SYCP2: variants seen among roughly 807,000 people sequenced by gnomAD.
The protein encoded by SYCP2 is synaptonemal complex protein 2, also known as synaptonemal complex lateral element protein.
Under a neutral mutation model 211.3 loss-of-function variants are expected in SYCP2, and 55 were observed. The ratio of observed to expected loss-of-function variants is 0.26; its 90% CI spans 0.21 to 0.33. The LOEUF is 0.33. Among genes scored for constraint, SYCP2 ranks in the 10% least tolerant of loss-of-function variants. The probability of loss-of-function intolerance (pLI) is 1.00; values close to 1 mark genes in which losing one functional copy is unlikely to be tolerated. For synonymous variants in SYCP2, 570 were observed against 555.2 expected (o/e 1.03, Z -0.37); for missense variants, 1,731 against 1,752.0 (o/e 0.99, Z 0.21).
intron 15 of SYCP2, among the ~76,000 whole-genome samples, chr20:59,903,997 C>T (rs1026518401): frequency 3.3e-5 from 5 of 152,106 alleles, no homozygotes; most frequent in Middle Eastern, 6.8e-3. Context: ...CTTTTTTTCT[C>T]TAAGGAAATT....
rs562556341 is a variant in SYCP2, at chr20:59,916,759, G to A, written c.428-188C>T. Among the ~76,000 whole-genome samples, 16 of 151,986 alleles carry A rather than the reference G, an allele frequency of 1.1e-4. No individual in the cohort carries two copies. In the South Asian group the frequency reaches 2.9e-3, roughly 28 times the overall value. On this transcript the variant is annotated intron_variant, in intron 7 of 44. Coordinates refer to ENST00000357552, the MANE Select transcript of SYCP2 (RefSeq NM_014258.4). ...GTTTGAGACCAGCCTGGGCAACATGGCAAAATCCTGTCTGTACAAAAATTA... is the reference window on the plus strand; with the variant it reads ...GTTTGAGACCAGCCTGGGCAACATGACAAAATCCTGTCTGTACAAAAATTA...
intron 43 of SYCP2, 47 bp downstream of exon 43, chr20:59,865,526 T>G (rs770564816): frequency 6.4e-7 from 1 of 1,573,856 alleles, no homozygotes; most frequent in South Asian, 1.2e-5. Context: ...TAACAAATTC[T>G]TTTTGTAATC....
Position 59,863,596 on chromosome 20 carries a change from C to A in SYCP2, c.*715G>T, listed in dbSNP as rs921367518. Reference sequence around the variant, plus strand: ...TTTATATTTATTCAAGTGACATAAGCATTTATTTCAACTTCATTAAAAGCA... The same window carrying A: ...TTTATATTTATTCAAGTGACATAAGAATTTATTTCAACTTCATTAAAAGCA... On this transcript the variant is annotated 3_prime_UTR_variant, in exon 45 of 45. Transcript: ENST00000357552. 3 of 151,928 alleles carry A rather than the reference C, an allele frequency of 2.0e-5. No homozygotes were observed. The highest frequency in any genetic ancestry group is 7.2e-5 in the African/African-American group (3 of 41,410). 9.4% of individuals were successfully genotyped at this position (151,928 alleles called of 1,614,324 possible).
intron 34 of SYCP2, among the ~76,000 whole-genome samples, chr20:59,874,324 G>A (rs905468248): frequency 5.3e-5 from 8 of 152,020 alleles, no homozygotes; most frequent in East Asian, 3.8e-4. Flanking sequence ...TCTACAGTAT[G>A]ACCTGAAATA....
chr20:59,931,182 G>T (rs1195748662), intron 2 of SYCP2, among the ~76,000 whole-genome samples: 1 of 152,302 alleles, frequency 6.6e-6, no homozygotes, highest in East Asian at 1.9e-4. Flanking sequence ...CACTGTGGGA[G>T]GCCCAGGCAA....
intron 10 of SYCP2, 56 bp downstream of exon 10, chr20:59,915,109 A>G: frequency 1.9e-6 from 2 of 1,073,674 alleles, no homozygotes; most frequent in East Asian, 2.4e-5. Flanking sequence ...TTAAAAAGAT[A>G]CTATCTGCTA....
chr20:59,890,911 A>T (rs754227657), intron 24 of SYCP2, among the ~76,000 whole-genome samples: 6 of 151,954 alleles, frequency 3.9e-5, no homozygotes, highest in Non-Finnish European at 7.4e-5. Context: ...AGCAGCTAAG[A>T]TGAGAAAGAG....
intron 7 of SYCP2, among the ~76,000 whole-genome samples, chr20:59,917,229 C>A (rs2060460256): frequency 1.3e-5 from 2 of 151,926 alleles, no homozygotes; most frequent in African/African-American, 4.8e-5. Context: ...AGTTATACAT[C>A]AAAAATTTTT....
intron 4 of SYCP2, among the ~76,000 whole-genome samples, chr20:59,921,001 A>T (rs905277585): frequency 9.9e-5 from 15 of 151,704 alleles, no homozygotes; most frequent in East Asian, 5.8e-4. Flanking sequence ...GGTTTTTTTT[A>T]AAAATCTATG....
chr20:59,885,614 G>A (rs1292512821), intron 26 of SYCP2, among the ~76,000 whole-genome samples: 1 of 151,992 alleles, frequency 6.6e-6, no homozygotes, highest in African/African-American at 2.4e-5. Flanking sequence ...ATTGTTAGGA[G>A]AAATGGGATT....
At chr20:59,865,244 T>C in intron 44 of SYCP2, 144 bp downstream of exon 44, 1 of 623,884 alleles carries the variant, frequency 1.6e-6, no homozygotes, top group Non-Finnish European at 2.7e-6. Flanking sequence ...GCTCCCATTA[T>C]TTAAAGAACT....
intron 12 of SYCP2, among the ~76,000 whole-genome samples, chr20:59,913,544 A>G (rs980701647): frequency 2.6e-5 from 4 of 152,154 alleles, no homozygotes; most frequent in Non-Finnish European, 4.4e-5. Flanking sequence ...TATGTTAATT[A>G]TAAAGGAAGA....
chr20:59,889,140 A>G (rs965437757), intron 24 of SYCP2, among the ~76,000 whole-genome samples: 1 of 152,048 alleles, frequency 6.6e-6, no homozygotes, highest in Non-Finnish European at 1.5e-5. Flanking sequence ...ATTCTGTGCA[A>G]TACTGTAATG....
At chr20:59,908,461 G>A (rs184396653) in intron 14 of SYCP2, among the ~76,000 whole-genome samples, 103 of 152,158 alleles carry the variant, frequency 6.8e-4, no homozygotes, top group African/African-American at 2.4e-3. Flanking sequence ...GAAAGGGACA[G>A]TATTCTAAGT....
rs1311393547 is a variant in SYCP2, at chr20:59,865,382, A to T, written c.4515+6T>A. On this transcript the variant is annotated splice_donor_region_variant and intron_variant, in intron 44 of 44. Transcript: ENST00000357552. ...ATTATCCCATTTTCAAACTTAGTTGACTTACCATGTCCTTAAGAAGCCTGT... is the reference window on the plus strand; with the variant it reads ...ATTATCCCATTTTCAAACTTAGTTGTCTTACCATGTCCTTAAGAAGCCTGT... The T allele has an allele frequency of 1.2e-6, 2 of 1,602,364 alleles. No homozygotes were observed. The highest frequency in any genetic ancestry group is 1.3e-5 in the African/African-American group (1 of 74,198).
chr20:59,881,107 G>A, intron 29 of SYCP2, 84 bp from the exon 30 acceptor site: 1 of 752,166 alleles, frequency 1.3e-6, no homozygotes, highest in Non-Finnish European at 2.1e-6. Context: ...TTAGACCTGA[G>A]TTTTCAGTCT....
intron 24 of SYCP2, among the ~76,000 whole-genome samples, chr20:59,890,225 A>G (rs1319210564): frequency 2.0e-5 from 3 of 152,232 alleles, no homozygotes; most frequent in Non-Finnish European, 4.4e-5. Context: ...GCCATAAAAA[A>G]GGATGAGTTC....
intron 28 of SYCP2, among the ~76,000 whole-genome samples, 200 bp downstream of exon 28, chr20:59,881,745 C>T (rs1287460457): frequency 6.8e-6 from 1 of 147,634 alleles, no homozygotes; most frequent in Middle Eastern, 3.5e-3. Flanking sequence ...TTTTTCTCTA[C>T]CTTATTCCTA....
Position 59,895,676 on chromosome 20 carries a change from G to A in SYCP2, c.1505-79C>T, listed in dbSNP as rs1284034029. The A allele has an allele frequency of 2.7e-6, 4 of 1,504,454 alleles. No homozygotes were observed. In the African/African-American group the frequency reaches 4.2e-5, roughly 16 times the overall value. 93.2% of individuals were successfully genotyped at this position (1,504,454 alleles called of 1,614,324 possible). A position where few individuals can be genotyped will look rare whatever the true frequency, so the allele number is the denominator to read the frequency against. The stretch of plus-strand genomic sequence containing the variant: ...TTGAGGTACTTTTCCAATGAGAAAG[G>A]TAAGAAACGAACATTCTTAGATGGT... On this transcript the variant is annotated intron_variant, in intron 19 of 44. Transcript: ENST00000357552.
Sources: allele counts gnomAD v4.1 joint callset (sites outside exome capture counted in the v4.1 genomes callset), GRCh38; gene constraint gnomAD v4.1.1; transcripts MANE v1.5; gene names NCBI Gene and HGNC (gene_info 2026-07-23, HGNC 2026-07-21).